The following ENTREP2 variants were observed in gnomAD, a reference collection of about 807,000 sequenced individuals.
ENTREP2 encodes protein ENTREP2.
chr15:29,360,573 C>G, the ENTREP2 span, among the ~76,000 whole-genome samples: 1 of 152,212 alleles, frequency 6.6e-6, no homozygotes, highest in Middle Eastern at 3.2e-3. Flanking sequence ...CCTCACATAG[C>G]AAAACATACA....
the ENTREP2 span, among the ~76,000 whole-genome samples, chr15:29,422,519 GC>G: frequency 6.6e-6 from 1 of 152,160 alleles, no homozygotes; most frequent in Non-Finnish European, 1.5e-5. Flanking sequence ...GGGAAAGTCA[GC>G]AAGTTTGCGT....
the ENTREP2 span, among the ~76,000 whole-genome samples, chr15:29,528,339 C>CA: frequency 0.024 from 2,591 of 108,964 alleles, 24 homozygotes; most frequent in African/African-American, 0.042. Context: ...AAAGGCTGAC[C>CA]AAAAAAAAAA....
At chr15:29,527,538 G>A in the ENTREP2 span, among the ~76,000 whole-genome samples, 34 of 152,154 alleles carry the variant, frequency 2.2e-4, no homozygotes, top group Non-Finnish European at 3.5e-4. Context: ...ATTTAGTCTC[G>A]TGTGAAATGA....
At chr15:29,172,963 A>T in the ENTREP2 span, among the ~76,000 whole-genome samples, 1 of 152,076 alleles carries the variant, frequency 6.6e-6, no homozygotes, top group South Asian at 2.1e-4. Context: ...ACCAGTGATA[A>T]AATCTCCGCG....
chr15:29,609,193 G>A, the ENTREP2 span, among the ~76,000 whole-genome samples: 1 of 149,996 alleles, frequency 6.7e-6, no homozygotes, highest in East Asian at 2.0e-4. Context: ...TGTCTGCATG[G>A]GGACTTGGAA....
At chr15:29,362,916 C>T in the ENTREP2 span, among the ~76,000 whole-genome samples, 1 of 152,100 alleles carries the variant, frequency 6.6e-6, no homozygotes, top group Non-Finnish European at 1.5e-5. Context: ...GTTTCAGTCT[C>T]GTTTTTCTGG....
At chr15:29,179,711 G>C in the ENTREP2 span, among the ~76,000 whole-genome samples, 5 of 151,720 alleles carry the variant, frequency 3.3e-5, no homozygotes, top group Non-Finnish European at 7.4e-5. Flanking sequence ...CTCCCGAGTA[G>C]CTGGGACTAC....
At chr15:29,390,083 A>G in the ENTREP2 span, among the ~76,000 whole-genome samples, 3 of 152,170 alleles carry the variant, frequency 2.0e-5, no homozygotes, top group East Asian at 5.8e-4. Flanking sequence ...TCCTCCCTGG[A>G]GAGGCCAGCT....
At chr15:29,234,388 A>T in the ENTREP2 span, 7 of 1,557,154 alleles carry the variant, frequency 4.5e-6, no homozygotes, top group Non-Finnish European at 6.2e-6. Flanking sequence ...AGGACTTATT[A>T]TTAAGATGGG....
chr15:29,385,188 G>A, the ENTREP2 span, among the ~76,000 whole-genome samples: 2 of 152,228 alleles, frequency 1.3e-5, no homozygotes, highest in Admixed American at 6.5e-5. Flanking sequence ...TGACTAAGTC[G>A]CTTGTAGCAG....
the ENTREP2 span, among the ~76,000 whole-genome samples, chr15:29,346,900 C>A: frequency 6.6e-6 from 1 of 152,202 alleles, no homozygotes; most frequent in Non-Finnish European, 1.5e-5. Context: ...AAGCTCTGAT[C>A]AAATCTAGTC....
At chr15:29,317,763 C>T in the ENTREP2 span, among the ~76,000 whole-genome samples, 1 of 152,100 alleles carries the variant, frequency 6.6e-6, no homozygotes, top group African/African-American at 2.4e-5. Flanking sequence ...GCCAACCCAC[C>T]TCAAAGAGGC....
the ENTREP2 span, among the ~76,000 whole-genome samples, chr15:29,595,833 T>C: frequency 2.0e-3 from 308 of 152,302 alleles, 2 homozygotes; most frequent in Non-Finnish European, 3.2e-3. Context: ...TTCAAATTGT[T>C]CTAGCTTTGG....
chr15:29,142,646 G>A, the ENTREP2 span, among the ~76,000 whole-genome samples: 1 of 152,174 alleles, frequency 6.6e-6, no homozygotes, highest in Non-Finnish European at 1.5e-5. Flanking sequence ...ACCACGCGAT[G>A]GAAGGCACAG....
the ENTREP2 span, among the ~76,000 whole-genome samples, chr15:29,481,789 T>C: frequency 2.0e-3 from 311 of 152,258 alleles, 2 homozygotes; most frequent in Non-Finnish European, 3.8e-3. Context: ...GTTCTCTGAC[T>C]TCACGAATAA....
At chr15:29,649,374 T>C in the ENTREP2 span, among the ~76,000 whole-genome samples, 4 of 151,942 alleles carry the variant, frequency 2.6e-5, no homozygotes, top group African/African-American at 9.7e-5. Flanking sequence ...CATGAATAGA[T>C]TTTTTTACAT....
At chr15:29,394,106 A>G in the ENTREP2 span, among the ~76,000 whole-genome samples, 1 of 152,202 alleles carries the variant, frequency 6.6e-6, no homozygotes, top group Non-Finnish European at 1.5e-5. Context: ...TTAAAAGGCA[A>G]CTACAAGACT....
chr15:29,579,992 G>C, the ENTREP2 span, among the ~76,000 whole-genome samples: 1 of 151,890 alleles, frequency 6.6e-6, no homozygotes, highest in Admixed American at 6.6e-5. Flanking sequence ...TTACAGGTGT[G>C]AGCCACCGCG....
At chr15:29,583,485 C>G in the ENTREP2 span, among the ~76,000 whole-genome samples, 2 of 152,136 alleles carry the variant, frequency 1.3e-5, no homozygotes, top group South Asian at 4.2e-4. Flanking sequence ...TGGGGCATGT[C>G]AGGGGAGAGC....
Sources: allele counts gnomAD v4.1 joint callset (sites outside exome capture counted in the v4.1 genomes callset), GRCh38; gene constraint gnomAD v4.1.1; transcripts MANE v1.5; gene names NCBI Gene and HGNC (gene_info 2026-07-23, HGNC 2026-07-21).